The following IL17RC variants were observed in gnomAD, a reference collection of about 807,000 sequenced individuals.
IL17RC encodes the protein interleukin-17 receptor C.
Under a neutral mutation model 86.7 loss-of-function variants are expected in IL17RC, and 53 were observed. The observed-to-expected ratio is 0.61, with a 90% confidence interval of 0.49 to 0.77. The LOEUF is 0.77. IL17RC is among the 30% of genes least tolerant of loss of function. The pLI is 0.00. For synonymous variants in IL17RC, 439 were observed against 413.1 expected, an observed-to-expected ratio of 1.06 and a Z score of -0.76; for missense variants, 957 against 940.0, an observed-to-expected ratio of 1.02 and a Z score of -0.24.
At chr3:9,927,389 C>G (rs2084183563) in intron 9 of IL17RC, among the ~76,000 whole-genome samples, 2 of 150,992 alleles carry the variant, frequency 1.3e-5, no homozygotes, top group African/African-American at 4.9e-5. Context: ...GAAACCCAGT[C>G]TCTACTAAAA....
chr3:9,933,384 G>C lies in IL17RC; in HGVS notation c.1954G>C (p.Val652Leu). Residue 652 changes from valine to leucine, a missense_variant, in exon 19 of 19, where the codon GTC (valine) becomes CTC (leucine). Val to Leu is a conservative substitution (Grantham distance 32, BLOSUM62 1). Coordinates refer to ENST00000403601, the MANE Select transcript of IL17RC (RefSeq NM_153460.4). ...ACCCGCCCTTTTCCGCACCGTGCCC[G>C]TCTTCACACTGCCCTCCCAACTGCC... The part of the protein sequence containing the change: ...AVPALFRTVP[V>L]FTLPSQLPDF... 6.2e-7 allele frequency: 1 copy of C among 1,613,028 alleles called. No individual in the cohort carries two copies. The highest frequency in any genetic ancestry group is 2.2e-5 in the East Asian group (1 of 44,860).
At chr3:9,925,894 C>T (rs1406370330) in intron 9 of IL17RC, among the ~76,000 whole-genome samples, 3 of 148,584 alleles carry the variant, frequency 2.0e-5, no homozygotes. Context: ...GCATTTTGCT[C>T]TGTCACCCAT....
At chr3:9,920,751 T>C in intron 6 of IL17RC, 149 bp downstream of exon 6, 1 of 771,954 alleles carries the variant, frequency 1.3e-6, no homozygotes, top group South Asian at 1.7e-5. Context: ...ACCTTCTCTC[T>C]CTGGGTGATA....
rs1447568508 is a variant in IL17RC at position 9,933,040 on chromosome 3, TGTGCCAGCTGCCGCTGCGC to T, written c.1614_1632del (p.Cys538TrpfsTer3). 6.4e-7 allele frequency: 1 copy of T among 1,550,660 alleles called. No individual in the cohort carries two copies. Among genetic ancestry groups the T allele is most frequent in the African/African-American group, 1.4e-5 (1 of 72,922 alleles). ...CTGGTGGGCGCCCTGGCGTCGGCCC[TGTGCCAGCTGCCGCTGCGC>T]GTGGCCGTAGACCTGTGGAGCCGTC... On this transcript the variant is annotated frameshift_variant, in exon 19 of 19. Coordinates refer to ENST00000403601, the MANE Select transcript of IL17RC (RefSeq NM_153460.4). LOFTEE classifies it low-confidence loss of function (END_TRUNC).
At chr3:9,921,267 C>A (rs1330445074) in intron 7 of IL17RC, among the ~76,000 whole-genome samples, 1 of 152,078 alleles carries the variant, frequency 6.6e-6, no homozygotes, top group African/African-American at 2.4e-5. Flanking sequence ...CGAGCCTGGG[C>A]AACATGGCAA....
In IL17RC at chr3:9,918,405, G is replaced by A. The variant is rs1294057320; in HGVS notation, c.351G>A (p.Arg117=). 6 of 1,612,426 alleles carry A rather than the reference G, an allele frequency of 3.7e-6. No individual in the cohort carries two copies. The highest frequency in any genetic ancestry group is 2.2e-5 in the East Asian group (1 of 44,870). The change falls in exon 4 of 19, where the codon AGG becomes AGA. Residue 117 remains arginine, a synonymous_variant. Coordinates refer to ENST00000403601, the MANE Select transcript of IL17RC (RefSeq NM_153460.4). ...GAADSGVEEP[R]NASLQAQVVL... ...CTGACTCAGGGGTGGAGGAGCCTAG[G>A]AATGGTGAGGAGAACCTGGCTGGCC...
intron 9 of IL17RC, among the ~76,000 whole-genome samples, chr3:9,927,195 G>A (rs535334905): frequency 3.4e-4 from 52 of 152,228 alleles, no homozygotes; most frequent in Non-Finnish European, 6.8e-4. Context: ...ATAAATGAAT[G>A]TGTCCTTAGA....
In IL17RC at chr3:9,918,392, T is replaced by C; in HGVS notation, c.338T>C (p.Val113Ala). 1 of 1,610,754 alleles carries C rather than the reference T, an allele frequency of 6.2e-7. No homozygotes were observed. The highest frequency in any genetic ancestry group is 2.2e-5 in the East Asian group (1 of 44,748). Residue 113 changes from valine to alanine, a missense_variant, in exon 4 of 19, where the codon GTG becomes GCG. By Grantham distance (64) the Val-to-Ala change is moderately conservative. Transcript: ENST00000403601. The stretch of plus-strand genomic sequence containing the variant: ...TTTGGAGGAGCAGCTGACTCAGGGG[T>C]GGAGGAGCCTAGGAATGGTGAGGAG... The part of the protein sequence containing the change: ...EKFGGAADSG[V>A]EEPRNASLQA...
At chr3:9,923,709 G>A (rs6779580) in intron 7 of IL17RC, among the ~76,000 whole-genome samples, 172 bp from the exon 8 acceptor site, 25,083 of 152,046 alleles carry the variant, frequency 0.16, 3,048 homozygotes, top group African/African-American at 0.34. Context: ...GTCTCCACGG[G>A]CTTGGCTTTG....
At chr3:9,921,461 C>CAAAA (rs1464471417) in intron 7 of IL17RC, among the ~76,000 whole-genome samples, 1 of 151,574 alleles carries the variant, frequency 6.6e-6, no homozygotes, top group African/African-American at 2.4e-5. Flanking sequence ...TCTCAAAAAA[C>CAAAA]AAAACAAAAC....
Position 9,933,470 on chromosome 3 carries a change from A to C in IL17RC, c.2040A>C (p.Arg680Ser). Residue 680 changes from arginine to serine, a missense_variant, in exon 19 of 19, where the codon AGA (arginine) becomes AGC (serine). Arg to Ser is a moderately radical substitution (Grantham distance 110). Transcript: ENST00000403601. ...RAPRSGRLQE[R>S]AEQVSRALQP... Reference sequence around the variant, plus strand: ...CGCGTTCCGGGCGGCTCCAAGAGAGAGCGGAGCAAGTGTCCCGGGCCCTTC... The same window carrying C: ...CGCGTTCCGGGCGGCTCCAAGAGAGCGCGGAGCAAGTGTCCCGGGCCCTTC... 1 of 1,612,638 alleles carries C rather than the reference A, an allele frequency of 6.2e-7. No individual in the cohort carries two copies. Among genetic ancestry groups the C allele is most frequent in the Admixed American group, 1.7e-5 (1 of 59,968 alleles).
intron 16 of IL17RC, among the ~76,000 whole-genome samples, chr3:9,931,529 C>A (rs1203198510): frequency 2.1e-5 from 3 of 145,328 alleles, no homozygotes; most frequent in African/African-American, 7.9e-5. Flanking sequence ...ATTTTTGAGG[C>A]AGAGTCTCAC....
Position 9,917,476 on chromosome 3 carries a change from A to G in IL17RC, c.105+56A>G, listed in dbSNP as rs139130574. On this transcript the variant is annotated intron_variant, in intron 1 of 18. Transcript: ENST00000403601. Reference sequence around the variant, plus strand: ...AGGCTCAGGGTTCAGTTTTTGGCTCAGCAAAGCCTTAGCCTGGCTCCTGTC... The same window carrying G: ...AGGCTCAGGGTTCAGTTTTTGGCTCGGCAAAGCCTTAGCCTGGCTCCTGTC... 47 of 1,614,234 alleles carry G rather than the reference A, an allele frequency of 2.9e-5. No individual in the cohort carries two copies. The African/African-American group carries it at 5.9e-4, about 20-fold the overall frequency.
intron 7 of IL17RC, 108 bp downstream of exon 7, chr3:9,921,077 A>G: frequency 1.6e-6 from 1 of 632,530 alleles, no homozygotes; most frequent in Non-Finnish European, 2.7e-6. Flanking sequence ...AGAAGCTCAC[A>G]GAACATATTC....
intron 9 of IL17RC, among the ~76,000 whole-genome samples, chr3:9,926,868 C>A (rs1314276659): frequency 1.3e-5 from 2 of 152,140 alleles, no homozygotes; most frequent in African/African-American, 4.8e-5. Context: ...GATCCGCCCA[C>A]CTTGGCCTCC....
chr3:9,928,150 C>G lies in IL17RC; in HGVS notation c.823-16C>G. 6.2e-7 allele frequency: 1 copy of G among 1,614,000 alleles called. No homozygotes were observed. Among genetic ancestry groups the G allele is most frequent in the Non-Finnish European group, 8.5e-7 (1 of 1,179,870 alleles). On this transcript the variant is annotated splice_polypyrimidine_tract_variant and intron_variant, in intron 9 of 18. Coordinates refer to ENST00000403601, the MANE Select transcript of IL17RC (RefSeq NM_153460.4). ...CCCATGGAGGGGACCTGAGCAGACCCCCATTTCCTTTCCAGGTGTGGCCTC... is the reference window on the plus strand; with the variant it reads ...CCCATGGAGGGGACCTGAGCAGACCGCCATTTCCTTTCCAGGTGTGGCCTC...
At chr3:9,929,717 A>G in intron 12 of IL17RC, 135 bp from the exon 13 acceptor site, 1 of 879,538 alleles carries the variant, frequency 1.1e-6, no homozygotes, top group African/African-American at 1.6e-5. Context: ...CCAGCCTTGA[A>G]TCCACATCTG....
chr3:9,933,547 G>T lies in IL17RC; in HGVS notation c.2117G>T (p.Arg706Leu), dbSNP rs1385111108. ...CCCCCGGGGACTCCCGCGCCGGGAC[G>T]CGGGGTGGGACCAGGCGCGGGACCT... Reference protein sequence around the residue: ...FHPPGTPAPGRGVGPGAGPGA... With the variant: ...FHPPGTPAPGLGVGPGAGPGA... Residue 706 changes from arginine (R) to leucine (L), a missense_variant, in exon 19 of 19, where the codon CGC becomes CTC. Transcript: ENST00000403601. 6.2e-7 allele frequency: 1 copy of T among 1,606,794 alleles called. No individual in the cohort carries two copies. The highest frequency in any genetic ancestry group is 8.5e-7 in the Non-Finnish European group (1 of 1,177,126).
At chr3:9,926,136 C>A (rs2084048053) in intron 9 of IL17RC, among the ~76,000 whole-genome samples, 1 of 150,918 alleles carries the variant, frequency 6.6e-6, no homozygotes, top group South Asian at 2.1e-4. Flanking sequence ...CAGGTTCAAG[C>A]CATTCTCCTG....
Sources: allele counts gnomAD v4.1 joint callset (sites outside exome capture counted in the v4.1 genomes callset), GRCh38; gene constraint gnomAD v4.1.1; transcripts MANE v1.5; gene names NCBI Gene and HGNC (gene_info 2026-07-23, HGNC 2026-07-21).